Variants in LSAMP observed in about 807,000 individuals in gnomAD.
The protein encoded by LSAMP is limbic system associated membrane protein, also known as limbic system-associated membrane protein.
In LSAMP, 7 loss-of-function variants were observed where a neutral mutation model predicts 38.6. The ratio of observed to expected loss-of-function variants is 0.18; its 90% CI spans 0.10 to 0.34. The LOEUF (loss-of-function observed/expected upper bound fraction) is 0.34, where lower values mean the gene tolerates loss of function less well. Among genes scored for constraint, LSAMP ranks in the 10% least tolerant of loss-of-function variants. The pLI is 1.00. For synonymous variants in LSAMP, 154 were observed against 166.8 expected, an observed-to-expected ratio of 0.92 and a Z score of 0.59; for missense variants, 313 against 420.0, an observed-to-expected ratio of 0.75 and a Z score of 2.23.
At chr3:116,031,867 TAG>T (rs1185937319) in intron 2 of LSAMP, among the ~76,000 whole-genome samples, 1 of 152,030 alleles carries the variant, frequency 6.6e-6, no homozygotes, top group African/African-American at 2.4e-5. Context: ...TCTAAACAAA[TAG>T]AGTTACCATT....
chr3:116,423,883 C>T (rs1334316524), intron 1 of LSAMP, among the ~76,000 whole-genome samples: 1 of 151,808 alleles, frequency 6.6e-6, no homozygotes, highest in Non-Finnish European at 1.5e-5. Flanking sequence ...TAATACTGCA[C>T]AAAGAGAAGA....
intron 1 of LSAMP, among the ~76,000 whole-genome samples, chr3:116,347,888 T>C (rs770256296): frequency 1.2e-4 from 19 of 152,118 alleles, no homozygotes; most frequent in Non-Finnish European, 2.4e-4. Context: ...AAGACAGATA[T>C]AAAAAGAGAA....
chr3:115,858,865 G>A (rs1935587957), intron 3 of LSAMP, among the ~76,000 whole-genome samples: 1 of 152,182 alleles, frequency 6.6e-6, no homozygotes, highest in Non-Finnish European at 1.5e-5. Flanking sequence ...AGTTTCCTGT[G>A]AGAACTTCAA....
chr3:116,407,442 T>G (rs2107834126), intron 1 of LSAMP, among the ~76,000 whole-genome samples: 1 of 152,060 alleles, frequency 6.6e-6, no homozygotes, highest in Middle Eastern at 3.4e-3. Context: ...AGTAGTAAGG[T>G]TTTAAGGAAC....
intron 6 of LSAMP, among the ~76,000 whole-genome samples, chr3:115,836,590 A>C (rs1934796983): frequency 6.6e-6 from 1 of 152,126 alleles, no homozygotes; most frequent in Non-Finnish European, 1.5e-5. Context: ...TGCTGTGGCT[A>C]TATGCACAGC....
intron 1 of LSAMP, among the ~76,000 whole-genome samples, chr3:116,428,448 G>A (rs1236870476): frequency 6.6e-6 from 1 of 152,004 alleles, no homozygotes; most frequent in Non-Finnish European, 1.5e-5. Context: ...CAGATCTTTT[G>A]TCATCAAACT....
At chr3:116,355,867 T>C (rs2107771508) in intron 1 of LSAMP, among the ~76,000 whole-genome samples, 1 of 152,206 alleles carries the variant, frequency 6.6e-6, no homozygotes, top group Admixed American at 6.5e-5. Context: ...AAATCAAAAC[T>C]ACAATGAGAT....
chr3:116,249,828 TTTATTA>T (rs747451149), intron 1 of LSAMP, among the ~76,000 whole-genome samples: 1 of 152,074 alleles, frequency 6.6e-6, no homozygotes, highest in Non-Finnish European at 1.5e-5. Flanking sequence ...TTAGCATATG[TTTATTA>T]TTATTATTGT....
chr3:116,333,986 C>T (rs1233258415), intron 1 of LSAMP, among the ~76,000 whole-genome samples: 1 of 151,490 alleles, frequency 6.6e-6, no homozygotes, highest in Non-Finnish European at 1.5e-5. Context: ...ATGAAAATGA[C>T]AAATCTTTAC....
At chr3:115,823,501 A>G (rs564323901) in intron 6 of LSAMP, among the ~76,000 whole-genome samples, 1 of 152,268 alleles carries the variant, frequency 6.6e-6, no homozygotes, top group Non-Finnish European at 1.5e-5. Context: ...TAATGGTGTT[A>G]TCTCTAAGGA....
chr3:116,286,738 A>G (rs2047199372), intron 1 of LSAMP, among the ~76,000 whole-genome samples: 1 of 152,194 alleles, frequency 6.6e-6, no homozygotes, highest in Non-Finnish European at 1.5e-5. Context: ...AATCATCTGT[A>G]CCATGCAAAA....
intron 6 of LSAMP, among the ~76,000 whole-genome samples, chr3:115,831,648 G>C (rs1483048756): frequency 6.6e-6 from 1 of 152,186 alleles, no homozygotes; most frequent in Non-Finnish European, 1.5e-5. Flanking sequence ...CAGACATTGA[G>C]AGCTGACTCT....
intron 1 of LSAMP, among the ~76,000 whole-genome samples, chr3:116,245,789 T>A (rs1454484120): frequency 6.6e-6 from 1 of 152,168 alleles, no homozygotes; most frequent in Non-Finnish European, 1.5e-5. Context: ...GCACACAAGT[T>A]TTGATTCTAA....
intron 1 of LSAMP, among the ~76,000 whole-genome samples, chr3:116,250,013 G>C (rs1287627117): frequency 6.6e-6 from 1 of 151,992 alleles, no homozygotes; most frequent in Admixed American, 6.6e-5. Flanking sequence ...TTCGTAGATC[G>C]AGAAAGATAA....
chr3:116,437,449 G>C (rs183857679), intron 1 of LSAMP, among the ~76,000 whole-genome samples: 1 of 152,068 alleles, frequency 6.6e-6, no homozygotes, highest in African/African-American at 2.4e-5. Context: ...AGTGGAGGAA[G>C]GAAAACCCAT....
intron 3 of LSAMP, among the ~76,000 whole-genome samples, chr3:115,896,842 G>A (rs142649284): frequency 6.6e-4 from 101 of 152,004 alleles, no homozygotes; most frequent in African/African-American, 2.3e-3. Context: ...TTTTTTTTAT[G>A]GTCATGATTC....
rs190091197 is a variant in LSAMP, at chr3:115,924,554, G to A, written c.515-71937C>T. The stretch of plus-strand genomic sequence containing the variant: ...TTGTCTAAAATCACTTGGACATTTA[G>A]AGACAGAGAAGACATTGCCTCATTA... On this transcript the variant is annotated intron_variant, in intron 3 of 6. Coordinates refer to ENST00000490035, the MANE Select transcript of LSAMP (RefSeq NM_002338.5). Among the ~76,000 whole-genome samples, 478 of 152,280 alleles carry A rather than the reference G, an allele frequency of 3.1e-3. 17 individuals are homozygous for A. Among genetic ancestry groups the A allele is most frequent in the Admixed American group, 0.029 (444 of 15,294 alleles).
At chr3:116,431,692 A>C (rs972192986) in intron 1 of LSAMP, among the ~76,000 whole-genome samples, 4 of 152,018 alleles carry the variant, frequency 2.6e-5, no homozygotes, top group African/African-American at 4.8e-5. Flanking sequence ...GGATTTTAAA[A>C]ATTGCAAAGG....
chr3:116,326,954 G>T (rs73861630), intron 1 of LSAMP, among the ~76,000 whole-genome samples: 3,125 of 152,064 alleles, frequency 0.021, 110 homozygotes, highest in African/African-American at 0.072. Flanking sequence ...CTACTGTAGG[G>T]GGTTAATCTT....
Sources: allele counts gnomAD v4.1 joint callset (sites outside exome capture counted in the v4.1 genomes callset), GRCh38; gene constraint gnomAD v4.1.1; transcripts MANE v1.5; gene names NCBI Gene and HGNC (gene_info 2026-07-23, HGNC 2026-07-21).